The following STAC variants were observed in gnomAD, a reference collection of about 807,000 sequenced individuals.
STAC encodes SH3 and cysteine-rich domain-containing protein.
STAC carries 43 observed loss-of-function variants against 48.8 expected under a neutral mutation model. The observed-to-expected ratio is 0.88, with a 90% CI of 0.69 to 1.14. The LOEUF is 1.14. Among genes scored for constraint, STAC ranks in the 50% most tolerant of loss-of-function variants. The probability of loss-of-function intolerance (pLI) is 0.00; values close to 1 mark genes in which losing one functional copy is unlikely to be tolerated. For missense variants in STAC, 497 were observed against 504.0 expected (o/e 0.99, Z 0.13); for synonymous variants, 193 against 179.5 (o/e 1.07, Z -0.60).
intron 5 of STAC, 64 bp downstream of exon 5, chr3:36,486,313 C>T: frequency 7.1e-7 from 1 of 1,410,102 alleles, no homozygotes; most frequent in Non-Finnish European, 9.9e-7. Context: ...GCCTCAGGCA[C>T]TGCAGTATGG....
intron 2 of STAC, among the ~76,000 whole-genome samples, chr3:36,462,730 C>T (rs775390441): frequency 2.0e-5 from 3 of 152,180 alleles, no homozygotes; most frequent in Non-Finnish European, 4.4e-5. Context: ...GACTGTGGCA[C>T]TTAGCCAAGT....
intron 1 of STAC, among the ~76,000 whole-genome samples, chr3:36,389,861 G>A (rs1036703488): frequency 6.6e-6 from 1 of 152,098 alleles, no homozygotes; most frequent in Non-Finnish European, 1.5e-5. Flanking sequence ...AAGTTAATTA[G>A]TGTATGTAAA....
rs754315029 is a variant in STAC at position 36,483,064 on chromosome 3, T to A, written c.461T>A (p.Leu154Gln). ...ATCCACCACAAGTGCACAGATGGCCTGGCACCCCAGCGGTGCATGGGCAAG... is the reference window on the plus strand; with the variant it reads ...ATCCACCACAAGTGCACAGATGGCCAGGCACCCCAGCGGTGCATGGGCAAG... ...MSIHHKCTDG[L>Q]APQRCMGKLP... The change falls in exon 3 of 11, where the codon CTG becomes CAG. Residue 154 changes from leucine (L) to glutamine (Q), a missense_variant. Transcript: ENST00000273183. 1.2e-6 allele frequency: 2 copies of A among 1,614,174 alleles called. No individual in the cohort carries two copies. The highest frequency in any genetic ancestry group is 2.2e-5 in the South Asian group (2 of 91,088).
chr3:36,457,882 C>G (rs1446337009), intron 2 of STAC, among the ~76,000 whole-genome samples: 1 of 152,194 alleles, frequency 6.6e-6, no homozygotes, highest in Admixed American at 6.5e-5. Flanking sequence ...CTCAGCCAAC[C>G]TAACTCTATT....
Position 36,415,251 on chromosome 3 carries a change from T to C in STAC, c.112-28113T>C, listed in dbSNP as rs556141064. ...GTTTCTGCTGCCTTTTTTTCAGCTA[T>C]GCCCTGCCCCCAGAGGTGGAGTCTA... On this transcript the variant is annotated intron_variant, in intron 1 of 10. Transcript: ENST00000273183. Among the ~76,000 whole-genome samples the C allele has an allele frequency of 8.5e-4, 129 of 152,330 alleles. 1 individual carries two copies. Among genetic ancestry groups the C allele is most frequent in the Non-Finnish European group, 1.7e-3 (117 of 68,028 alleles).
chr3:36,382,353 G>A (rs1157161099), intron 1 of STAC, among the ~76,000 whole-genome samples: 4 of 152,172 alleles, frequency 2.6e-5, no homozygotes, highest in African/African-American at 7.2e-5. Context: ...GCAAACAGTG[G>A]CATGGTTCAA....
intron 8 of STAC, among the ~76,000 whole-genome samples, chr3:36,518,616 C>A (rs1365240468): frequency 1.3e-5 from 2 of 152,146 alleles, no homozygotes; most frequent in African/African-American, 4.8e-5. Context: ...TGAACGGCCG[C>A]TCCTGGAAGC....
At chr3:36,420,919 C>T (rs917860853) in intron 1 of STAC, among the ~76,000 whole-genome samples, 16 of 152,196 alleles carry the variant, frequency 1.1e-4, no homozygotes, top group Non-Finnish European at 1.5e-5. Context: ...TATTTTTGTG[C>T]CTCATATTTC....
rs115007248 is a variant in STAC, at chr3:36,463,450, G to A, written c.389-19542G>A. 5.6e-3 allele frequency among the ~76,000 whole-genome samples: 854 copies of A among 151,638 alleles called. 12 individuals carry two copies. The highest frequency in any genetic ancestry group is 6.4e-3 in the Non-Finnish European group (434 of 67,880). The stretch of plus-strand genomic sequence containing the variant: ...AAATCCTGAAACACAAGAAGCATAC[G>A]TCTGTGTCTATAACAAAATCTCTCA... On this transcript the variant is annotated intron_variant, in intron 2 of 10. Coordinates refer to ENST00000273183, the MANE Select transcript of STAC (RefSeq NM_003149.3).
At chr3:36,480,865 T>G (rs1171403236) in intron 2 of STAC, among the ~76,000 whole-genome samples, 2 of 152,182 alleles carry the variant, frequency 1.3e-5, no homozygotes, top group African/African-American at 4.8e-5. Flanking sequence ...GAGCTGGGAA[T>G]ATCGAGGCAA....
chr3:36,545,113 G>A (rs926687938), intron 10 of STAC, among the ~76,000 whole-genome samples: 17 of 152,136 alleles, frequency 1.1e-4, no homozygotes, highest in African/African-American at 2.7e-4. Context: ...TGTTGGCCAC[G>A]AACAACTCAC....
At chr3:36,533,547 T>TA (rs977879537) in intron 10 of STAC, among the ~76,000 whole-genome samples, 1 of 151,304 alleles carries the variant, frequency 6.6e-6, no homozygotes, top group African/African-American at 2.4e-5. Flanking sequence ...ACATTGTTTT[T>TA]ATGTTATTAA....
chr3:36,471,841 C>T (rs1227673732), intron 2 of STAC, among the ~76,000 whole-genome samples: 1 of 152,188 alleles, frequency 6.6e-6, no homozygotes, highest in African/African-American at 2.4e-5. Context: ...GGCTGGCATT[C>T]AGTGTCTGCT....
chr3:36,502,212 A>G (rs1168428537), intron 6 of STAC, among the ~76,000 whole-genome samples: 1 of 152,198 alleles, frequency 6.6e-6, no homozygotes, highest in Non-Finnish European at 1.5e-5. Flanking sequence ...CTATGCCTAC[A>G]TAATAGACAT....
intron 1 of STAC, among the ~76,000 whole-genome samples, chr3:36,388,136 T>C (rs1289734449): frequency 6.6e-6 from 1 of 152,178 alleles, no homozygotes; most frequent in Non-Finnish European, 1.5e-5. Flanking sequence ...TTCGTCCATT[T>C]TAAAATTAGA....
At chr3:36,514,701 C>T (rs1181990378) in intron 8 of STAC, among the ~76,000 whole-genome samples, 1 of 152,074 alleles carries the variant, frequency 6.6e-6, no homozygotes, top group Non-Finnish European at 1.5e-5. Context: ...CTATGCCTGG[C>T]ATATACACTT....
chr3:36,483,239 T>C (rs1335254542), intron 3 of STAC, 147 bp downstream of exon 3: 1 of 605,768 alleles, frequency 1.7e-6, no homozygotes, highest in Admixed American at 3.1e-5. Context: ...CTAATTGGCG[T>C]AATCAGAAAA....
intron 2 of STAC, among the ~76,000 whole-genome samples, chr3:36,445,084 A>G (rs1421413251): frequency 6.6e-6 from 1 of 152,186 alleles, no homozygotes; most frequent in Non-Finnish European, 1.5e-5. Context: ...ATGAGCCTCT[A>G]TTTTAGATCT....
chr3:36,541,030 C>A (rs1463014059), intron 10 of STAC, among the ~76,000 whole-genome samples: 1 of 152,140 alleles, frequency 6.6e-6, no homozygotes, highest in Non-Finnish European at 1.5e-5. Flanking sequence ...ATCCTCTGGT[C>A]AGAGAACCAA....
Sources: gnomAD v4.1 joint callset for allele counts (sites outside exome capture counted in the v4.1 genomes callset) on GRCh38, gnomAD v4.1.1 for gene constraint, MANE v1.5 for transcripts, NCBI Gene and HGNC (gene_info 2026-07-23, HGNC 2026-07-21) for gene names.